The following PRG4 variants were observed in gnomAD, a reference collection of about 807,000 sequenced individuals.
The protein encoded by PRG4 is articular superficial zone protein.
PRG4 carries 61 observed loss-of-function variants against 91.2 expected under a neutral mutation model. The ratio of observed to expected loss-of-function variants is 0.67; its 90% confidence interval spans 0.54 to 0.83. The LOEUF is 0.83. PRG4 is among the 40% of genes least tolerant of loss of function. PRG4 has a pLI of 0.00. For missense variants in PRG4, 1,564 were observed against 1,714.2 expected, an observed-to-expected ratio of 0.91 and a Z score of 1.55; for synonymous variants, 576 against 614.2, an observed-to-expected ratio of 0.94 and a Z score of 0.92.
intron 2 of PRG4, 71 bp from the exon 3 acceptor site, chr1:186,300,020 C>T (rs1656096059): frequency 6.4e-7 from 1 of 1,567,450 alleles, no homozygotes; most frequent in African/African-American, 1.4e-5. Context: ...GTGGCTTTGT[C>T]CCCCTCGTTA....
intron 4 of PRG4, among the ~76,000 whole-genome samples, chr1:186,302,763 C>T (rs1445239985): frequency 6.6e-6 from 1 of 152,108 alleles, no homozygotes; most frequent in Non-Finnish European, 1.5e-5. Flanking sequence ...ACTCATTACC[C>T]TAATTGTTTT....
In PRG4 at chr1:186,311,632, T is replaced by C. The variant is rs756527086; in HGVS notation, c.3793+36T>C. 6.3e-6 allele frequency: 10 copies of C among 1,585,298 alleles called. No individual in the cohort carries two copies. The Admixed American group carries it at 1.5e-4, about 24-fold the overall frequency. ...CATAATTGACAAGATTACAAAACTTTTAAAGAATTACACTCAGCATTTTCA... is the reference window on the plus strand; with the variant it reads ...CATAATTGACAAGATTACAAAACTTCTAAAGAATTACACTCAGCATTTTCA... On this transcript the variant is annotated intron_variant, in intron 10 of 12. Coordinates refer to ENST00000445192, the MANE Select transcript of PRG4 (RefSeq NM_005807.6).
At chr1:186,300,270 C>CT (rs1475530815) in intron 3 of PRG4, 57 bp downstream of exon 3, 1 of 1,608,924 alleles carries the variant, frequency 6.2e-7, no homozygotes, top group African/African-American at 1.3e-5. Context: ...TCTGTGAGTC[C>CT]CCCCTTGCAC....
chr1:186,314,095 C>A lies in PRG4; in HGVS notation c.*317C>A. 1.4e-6 allele frequency: 2 copies of A among 1,420,250 alleles called. No homozygotes were observed. The highest frequency in any genetic ancestry group is 1.2e-5 in the South Asian group (1 of 81,790). The allele number at this position is 1,420,250 out of a possible 1,614,324, so 88.0% of individuals were successfully genotyped here. A position where few individuals can be genotyped will look rare whatever the true frequency, so the allele number is the denominator to read the frequency against. On this transcript the variant is annotated 3_prime_UTR_variant, in exon 13 of 13. Coordinates refer to ENST00000445192, the MANE Select transcript of PRG4 (RefSeq NM_005807.6). ...TTCAAAACTAGTGTATTCACTTACC[C>A]TAGTTCATTATAAAAAATATCTAGG...
chr1:186,299,792 G>A (rs1033392990), intron 2 of PRG4, among the ~76,000 whole-genome samples: 2 of 152,166 alleles, frequency 1.3e-5, no homozygotes, highest in Non-Finnish European at 2.9e-5. Context: ...ACCACAGATC[G>A]GTAGTAGCTG....
rs181303774 is a variant in PRG4, at chr1:186,308,551, A to G, written c.2832A>G (p.Thr944=). Residue 944 remains threonine (T), a synonymous_variant, in exon 7 of 13, where the codon ACA becomes ACG. Coordinates refer to ENST00000445192, the MANE Select transcript of PRG4 (RefSeq NM_005807.6). ...APKMTKETAT[T]TEKTTESKIT... The stretch of plus-strand genomic sequence containing the variant: ...AGATGACAAAAGAGACAGCAACTAC[A>G]ACAGAAAAAACTACCGAATCCAAAA... The G allele has an allele frequency of 5.6e-6, 9 of 1,613,720 alleles. No homozygotes were observed. The Admixed American group carries it at 1.2e-4, about 21-fold the overall frequency.
chr1:186,305,993 A>C (rs1438710099), intron 6 of PRG4, among the ~76,000 whole-genome samples: 1 of 152,158 alleles, frequency 6.6e-6, no homozygotes, highest in African/African-American at 2.4e-5. Flanking sequence ...AAGAGTACAA[A>C]AAGTAGGGGG....
At position 186,312,338 on chromosome 1, in the gene PRG4, A is replaced by G. The variant is rs1203399370; in HGVS notation, c.3957A>G (p.Gln1319=). The G allele has an allele frequency of 1.9e-6, 3 of 1,609,542 alleles. No individual in the cohort carries two copies. The African/African-American group carries it at 4.0e-5, about 22-fold the overall frequency. The part of the protein sequence containing the change: ...GPSQTHTIRI[Q]YSPARLAYQD... Reference sequence around the variant, plus strand: ...CTCAAACACACACCATCAGAATTCAATATTCACCTGCCAGACTGGCTTATC... The same window carrying G: ...CTCAAACACACACCATCAGAATTCAGTATTCACCTGCCAGACTGGCTTATC... The change falls in exon 11 of 13, where the codon CAA becomes CAG. Residue 1319 remains glutamine (Q), a synonymous_variant. Transcript: ENST00000445192.
At chr1:186,311,256 T>C (rs1007098121) in intron 9 of PRG4, 86 bp downstream of exon 9, 11 of 1,458,704 alleles carry the variant, frequency 7.5e-6, no homozygotes, top group Non-Finnish European at 1.1e-5. Flanking sequence ...TAACCTCCAA[T>C]ATGTGTCCTT....
Position 186,308,384 on chromosome 1 carries a change from C to T in PRG4, c.2665C>T (p.Leu889Phe). ...ELSAEPTPKA[L>F]ENSPKEPGVP... ...TTCTGCAGAACCCACACCAAAAGCT[C>T]TTGAAAACAGTCCCAAGGAACCTGG... The change falls in exon 7 of 13, where the codon CTT becomes TTT. Residue 889 changes from leucine to phenylalanine, a missense_variant. Coordinates refer to ENST00000445192, the MANE Select transcript of PRG4 (RefSeq NM_005807.6). The T allele has an allele frequency of 6.2e-7, 1 of 1,613,918 alleles. No individual in the cohort carries two copies. The highest frequency in any genetic ancestry group is 1.3e-5 in the African/African-American group (1 of 75,018).
intron 12 of PRG4, 34 bp downstream of exon 12, chr1:186,312,928 G>A: frequency 6.3e-7 from 1 of 1,589,158 alleles, no homozygotes; most frequent in Non-Finnish European, 8.6e-7. Flanking sequence ...CCAAGGAGGT[G>A]ATATCATTTG....
rs146190656 is a variant in PRG4, at chr1:186,304,351, A to G, written c.469+94A>G. Reference sequence around the variant, plus strand: ...TAAGCCCATTCTCAGAGAACAGGGTAATCTTAGGAATCATGAGCCTCATTA... The same window carrying G: ...TAAGCCCATTCTCAGAGAACAGGGTGATCTTAGGAATCATGAGCCTCATTA... On this transcript the variant is annotated intron_variant, in intron 5 of 12. Coordinates refer to ENST00000445192, the MANE Select transcript of PRG4 (RefSeq NM_005807.6). The G allele has an allele frequency of 6.9e-4, 954 of 1,392,586 alleles. 23 individuals are homozygous for G. In the East Asian group the frequency reaches 0.017, roughly 25 times the overall value. 86.3% of individuals were successfully genotyped at this position (1,392,586 alleles called of 1,614,324 possible).
chr1:186,311,633 T>G, intron 10 of PRG4, 37 bp downstream of exon 10: 1 of 1,585,066 alleles, frequency 6.3e-7, no homozygotes, highest in East Asian at 2.2e-5. Flanking sequence ...ACAAAACTTT[T>G]AAAGAATTAC....
rs751758086 is a variant in PRG4, at chr1:186,306,553, G to A, written c.834G>A (p.Val278=). 1.9e-5 allele frequency: 31 copies of A among 1,613,112 alleles called. No homozygotes were observed. In the South Asian group the frequency reaches 3.0e-4, roughly 15 times the overall value. The change falls in exon 7 of 13, where the codon GTG becomes GTA. Residue 278 remains valine (V), a synonymous_variant. Coordinates refer to ENST00000445192, the MANE Select transcript of PRG4 (RefSeq NM_005807.6). The part of the protein sequence containing the change: ...SDTSKETSLT[V]NKETTVETKE... The stretch of plus-strand genomic sequence containing the variant: ...CATCTAAAGAGACGTCTTTGACAGT[G>A]AATAAAGAGACAACAGTTGAAACTA...
rs754803631 is a variant in PRG4, at chr1:186,312,347, T to G, written c.3966T>G (p.Pro1322=). ...QTHTIRIQYS[P]ARLAYQDKGV... ...ACACCATCAGAATTCAATATTCACC[T>G]GCCAGACTGGCTTATCAAGACAAAG... is the stretch of plus-strand genomic sequence containing the variant. Residue 1322 remains proline, a synonymous_variant, in exon 11 of 13, where the codon CCT becomes CCG. Transcript: ENST00000445192. 1.2e-6 allele frequency: 2 copies of G among 1,608,480 alleles called. No individual in the cohort carries two copies. Among genetic ancestry groups the G allele is most frequent in the Non-Finnish European group, 1.7e-6 (2 of 1,178,194 alleles).
chr1:186,310,669 A>ATTT (rs56847815), intron 8 of PRG4, among the ~76,000 whole-genome samples: 1 of 131,512 alleles, frequency 7.6e-6, no homozygotes, highest in African/African-American at 2.9e-5. Flanking sequence ...TTTTTTTTGT[A>ATTT]TTTTTTTTTT....
chr1:186,298,095 ATGGGGCTGGGTG>A lies in PRG4; in HGVS notation c.76+1148_76+1159del, dbSNP rs934678551. On this transcript the variant is annotated intron_variant, in intron 2 of 12. Transcript: ENST00000445192. ...GATTAAATAAATCAAATTAAAATTA[ATGGGGCTGGGTG>A]TGGTGGCTCACACCTGTAATCCCAG... Among the ~76,000 whole-genome samples the A allele has an allele frequency of 1.2e-4, 18 of 152,322 alleles. No individual in the cohort carries two copies. In the East Asian group the frequency reaches 1.9e-3, roughly 16 times the overall value.
intron 11 of PRG4, 181 bp from the exon 12 acceptor site, chr1:186,312,584 TGTTA>T (rs1571587760): frequency 1.3e-6 from 1 of 784,282 alleles, no homozygotes; most frequent in East Asian, 2.7e-5. Flanking sequence ...TGTTCAGGTT[TGTTA>T]GTTATAACCA....
chr1:186,304,307 T>C (rs1331239982), intron 5 of PRG4, 50 bp downstream of exon 5: 1 of 1,565,120 alleles, frequency 6.4e-7, no homozygotes, highest in Non-Finnish European at 8.8e-7. Flanking sequence ...ATGAAGTAAC[T>C]TGTAGGTGAC....
Sources: gnomAD v4.1 joint callset for allele counts (sites outside exome capture counted in the v4.1 genomes callset) on GRCh38, gnomAD v4.1.1 for gene constraint, MANE v1.5 for transcripts, NCBI Gene and HGNC (gene_info 2026-07-23, HGNC 2026-07-21) for gene names.